MTUS2: variants seen among roughly 807,000 people sequenced by gnomAD.
The protein encoded by MTUS2 is microtubule-associated tumor suppressor candidate 2.
MTUS2 carries 40 observed loss-of-function variants against 114.1 expected under a neutral mutation model. The observed-to-expected ratio is 0.35, with a 90% CI of 0.27 to 0.46. MTUS2 has a LOEUF of 0.46. MTUS2 is among the 20% of genes least tolerant of loss of function. The pLI is 1.00. For synonymous variants in MTUS2, 688 were observed against 672.0 expected (o/e 1.02, Z -0.37); for missense variants, 1,679 against 1,705.4 (o/e 0.98, Z 0.27).
Position 29,359,322 on chromosome 13 carries a change from A to G in MTUS2, c.2966A>G (p.Gln989Arg). Residue 989 changes from glutamine (Q) to arginine (R), a missense_variant, in exon 8 of 16, where the codon CAG becomes CGG. Gln to Arg is a conservative substitution (Grantham distance 43, BLOSUM62 1). Transcript: ENST00000612955. ...GGGTTTCCGCCCAAGCCGGACCCGCAGGCCCGTGAGGCTGAGCGGCAGCTG... is the reference window on the plus strand; with the variant it reads ...GGGTTTCCGCCCAAGCCGGACCCGCGGGCCCGTGAGGCTGAGCGGCAGCTG... ...RNGFPPKPDP[Q>R]AREAERQLVL... is the part of the protein sequence containing the mutation. The G allele has an allele frequency of 1.2e-6, 2 of 1,610,744 alleles. No individual in the cohort carries two copies. The highest frequency in any genetic ancestry group is 1.1e-5 in the South Asian group (1 of 90,272).
chr13:29,298,009 T>A (rs1899025017), intron 6 of MTUS2, among the ~76,000 whole-genome samples: 1 of 152,230 alleles, frequency 6.6e-6, no homozygotes, highest in African/African-American at 2.4e-5. Flanking sequence ...CTGCTGTTCA[T>A]ATGTCAAATA....
chr13:29,234,638 A>G (rs947712177), intron 5 of MTUS2, among the ~76,000 whole-genome samples: 3 of 152,136 alleles, frequency 2.0e-5, no homozygotes, highest in African/African-American at 4.8e-5. Flanking sequence ...TCTGATTTAT[A>G]ATGCTGTTTC....
intron 9 of MTUS2, among the ~76,000 whole-genome samples, chr13:29,464,671 C>G (rs1005887340): frequency 2.0e-5 from 3 of 152,142 alleles, no homozygotes; most frequent in African/African-American, 7.2e-5. Flanking sequence ...CTCTCAGATT[C>G]CACCCCAGCT....
At chr13:29,298,931 A>G (rs3011453) in intron 6 of MTUS2, among the ~76,000 whole-genome samples, 151,734 of 152,298 alleles carry the variant, frequency 1, 75,588 homozygotes, top group Middle Eastern at 1. Context: ...TTACTGCCCT[A>G]TGCTGACCGT....
At chr13:28,969,679 A>G (rs1024855015) in intron 2 of MTUS2, among the ~76,000 whole-genome samples, 5 of 151,094 alleles carry the variant, frequency 3.3e-5, no homozygotes, top group Non-Finnish European at 4.4e-5. Flanking sequence ...TAATTTTTGT[A>G]TTTTTAGTAG....
intron 5 of MTUS2, among the ~76,000 whole-genome samples, chr13:29,162,270 G>C (rs1893129897): frequency 6.6e-6 from 1 of 152,174 alleles, no homozygotes; most frequent in Admixed American, 6.5e-5. Flanking sequence ...GGGTCTGGGT[G>C]AACGTGAATT....
At chr13:29,153,502 G>A (rs1257336865) in intron 5 of MTUS2, among the ~76,000 whole-genome samples, 1 of 152,078 alleles carries the variant, frequency 6.6e-6, no homozygotes, top group Non-Finnish European at 1.5e-5. Flanking sequence ...AGCGAGGAGG[G>A]GGCAGGAACC....
intron 5 of MTUS2, among the ~76,000 whole-genome samples, chr13:29,110,557 G>T (rs1890842811): frequency 6.6e-6 from 1 of 152,018 alleles, no homozygotes; most frequent in Admixed American, 6.6e-5. Flanking sequence ...GAAAAAAAAT[G>T]GAATCATTTT....
intron 5 of MTUS2, among the ~76,000 whole-genome samples, chr13:29,230,454 G>A (rs901282878): frequency 3.3e-5 from 5 of 152,212 alleles, no homozygotes; most frequent in African/African-American, 7.2e-5. Flanking sequence ...AATCAGCAGC[G>A]AAGGCCTGGC....
chr13:28,905,662 T>C, intron 2 of MTUS2, among the ~76,000 whole-genome samples: 1 of 151,582 alleles, frequency 6.6e-6, no homozygotes, highest in Non-Finnish European at 1.5e-5. Context: ...TTGCCAGTAT[T>C]TTATTGAGGA....
In MTUS2 at chr13:28,824,952, G is replaced by A. The variant is rs528294568; in HGVS notation, c.-316+4341G>A. Among the ~76,000 whole-genome samples the A allele has an allele frequency of 3.3e-5, 5 of 152,334 alleles. No individual in the cohort carries two copies. The East Asian group carries it at 9.6e-4, about 29-fold the overall frequency. ...AGGGAATGCCTCACTGAAAGGAGAT[G>A]TTGAGCAGAGCCCTAAAGGAGATGG... is the stretch of plus-strand genomic sequence containing the variant. On this transcript the variant is annotated intron_variant, in intron 1 of 15. Transcript: ENST00000612955.
chr13:29,171,047 AAC>A (rs1893535055), intron 5 of MTUS2, among the ~76,000 whole-genome samples: 1 of 152,220 alleles, frequency 6.6e-6, no homozygotes, highest in South Asian at 2.1e-4. Context: ...TCTCTGTGTT[AAC>A]TGAGGATCAT....
chr13:29,267,712 C>T (rs1897718927), intron 5 of MTUS2, among the ~76,000 whole-genome samples: 1 of 152,080 alleles, frequency 6.6e-6, no homozygotes, highest in African/African-American at 2.4e-5. Flanking sequence ...ATCACGAGAT[C>T]TAAGGGATGA....
chr13:28,985,576 T>TA (rs1178013211), intron 2 of MTUS2, among the ~76,000 whole-genome samples: 6 of 149,504 alleles, frequency 4.0e-5, no homozygotes, highest in South Asian at 4.2e-4. Context: ...TTTTTTTTTT[T>TA]AAAAAGCTTT....
At chr13:28,944,402 T>C (rs1882409485) in intron 2 of MTUS2, among the ~76,000 whole-genome samples, 1 of 152,146 alleles carries the variant, frequency 6.6e-6, no homozygotes, top group African/African-American at 2.4e-5. Flanking sequence ...TATAAAATGG[T>C]GTCAGGGTAA....
At chr13:29,286,664 G>A (rs63749234) in intron 6 of MTUS2, among the ~76,000 whole-genome samples, 40 of 76,424 alleles carry the variant, frequency 5.2e-4, no homozygotes, top group African/African-American at 2.2e-3. Flanking sequence ...CTGTCTGTCT[G>A]TCTGTCTGTC....
At chr13:29,043,090 G>T (rs759871258) in intron 4 of MTUS2, among the ~76,000 whole-genome samples, 43 of 151,756 alleles carry the variant, frequency 2.8e-4, no homozygotes, top group Non-Finnish European at 4.9e-4. Flanking sequence ...ATTTTTTGAT[G>T]CAGGCACTGC....
At chr13:29,284,399 T>A (rs1193687304) in intron 6 of MTUS2, among the ~76,000 whole-genome samples, 4 of 64,334 alleles carry the variant, frequency 6.2e-5, no homozygotes, top group African/African-American at 2.3e-4. Context: ...ATAAGCTATT[T>A]TTTAAAAAAA....
At chr13:29,130,639 A>G (rs964804006) in intron 5 of MTUS2, among the ~76,000 whole-genome samples, 1 of 151,756 alleles carries the variant, frequency 6.6e-6, no homozygotes, top group Non-Finnish European at 1.5e-5. Flanking sequence ...TATTTTATTT[A>G]TTTTTGAGAT....
Sources: gnomAD v4.1 joint callset for allele counts (sites outside exome capture counted in the v4.1 genomes callset) on GRCh38, gnomAD v4.1.1 for gene constraint, MANE v1.5 for transcripts, NCBI Gene and HGNC (gene_info 2026-07-23, HGNC 2026-07-21) for gene names.